Variants in RFX3 observed in about 807,000 individuals in gnomAD.
The protein encoded by RFX3 is regulatory factor X3, also known as transcription factor RFX3.
A neutral mutation model predicts 98.6 loss-of-function variants in RFX3; 14 were observed. The ratio of observed to expected loss-of-function variants is 0.14; its 90% CI spans 0.09 to 0.22. The LOEUF (loss-of-function observed/expected upper bound fraction) is 0.22. Among genes scored for constraint, RFX3 ranks in the 10% least tolerant of loss-of-function variants. RFX3 has a pLI of 1.00. For synonymous variants in RFX3, 383 were observed against 328.4 expected (o/e 1.17, Z -1.80); for missense variants, 639 against 926.9 (o/e 0.69, Z 4.03).
At chr9:3,340,700 T>C (rs533936343) in intron 3 of RFX3, among the ~76,000 whole-genome samples, 1 of 152,024 alleles carries the variant, frequency 6.6e-6, no homozygotes, top group Non-Finnish European at 1.5e-5. Flanking sequence ...AAAACCACAA[T>C]GAGATACCAT....
intron 3 of RFX3, among the ~76,000 whole-genome samples, chr9:3,334,847 C>A (rs1198169335): frequency 1.3e-5 from 2 of 152,086 alleles, no homozygotes; most frequent in African/African-American, 4.8e-5. Flanking sequence ...GGGCCAGGCG[C>A]GGTGGTTCAT....
At chr9:3,318,781 G>C (rs1830924126) in intron 4 of RFX3, among the ~76,000 whole-genome samples, 1 of 152,084 alleles carries the variant, frequency 6.6e-6, no homozygotes, top group Non-Finnish European at 1.5e-5. Context: ...GTAACCTGAA[G>C]TTATTCTTAA....
At position 3,301,608 on chromosome 9, in the gene RFX3, T is replaced by TC; in HGVS notation, c.486dup (p.Ile163AspfsTer2). The TC allele has an allele frequency of 6.2e-7, 1 of 1,601,362 alleles. No homozygotes were observed. On this transcript the variant is annotated frameshift_variant, in exon 5 of 17. Transcript: ENST00000617270. LOFTEE classifies it high-confidence loss of function. ...CCGTCAGACTTTTGCAGCGTCTCAA[T>TC]CGCCATTTCAATCTGATAATAGATG...
intron 1 of RFX3, chr9:3,488,813 G>C: frequency 1.0e-6 from 1 of 985,174 alleles, no homozygotes; most frequent in Non-Finnish European, 1.2e-6. Flanking sequence ...TACAGCTTCA[G>C]CTTATTTCTC....
chr9:3,376,066 G>T (rs538766563), intron 2 of RFX3, among the ~76,000 whole-genome samples: 2 of 152,150 alleles, frequency 1.3e-5, no homozygotes, highest in African/African-American at 4.8e-5. Context: ...ATATACAGTT[G>T]GTCAATAAGC....
intron 3 of RFX3, among the ~76,000 whole-genome samples, chr9:3,337,142 G>A (rs1833285175): frequency 1.3e-5 from 2 of 152,160 alleles, no homozygotes; most frequent in African/African-American, 4.8e-5. Flanking sequence ...CCTGAGGCCA[G>A]AGAGGTAAAA....
chr9:3,432,076 A>G (rs1187351687), intron 1 of RFX3, among the ~76,000 whole-genome samples: 1 of 152,178 alleles, frequency 6.6e-6, no homozygotes, highest in Non-Finnish European at 1.5e-5. Flanking sequence ...TTGGTTGTAC[A>G]ATGAGAAGCT....
chr9:3,363,740 G>A (rs1198047670), intron 2 of RFX3, among the ~76,000 whole-genome samples: 2 of 152,154 alleles, frequency 1.3e-5, no homozygotes, highest in Non-Finnish European at 2.9e-5. Flanking sequence ...GGTGTCAGCT[G>A]GCAGTGATTC....
At chr9:3,446,251 C>T (rs1846039665) in intron 1 of RFX3, among the ~76,000 whole-genome samples, 1 of 151,946 alleles carries the variant, frequency 6.6e-6, no homozygotes, top group Non-Finnish European at 1.5e-5. Context: ...ATACAAGTTG[C>T]CATAACTATA....
chr9:3,375,899 G>T (rs1310992459), intron 2 of RFX3, among the ~76,000 whole-genome samples: 2 of 152,092 alleles, frequency 1.3e-5, no homozygotes, highest in South Asian at 2.1e-4. Context: ...AGCAGAGGTT[G>T]CAGTGAGCTG....
At chr9:3,241,903 G>C (rs1478506106) in intron 15 of RFX3, among the ~76,000 whole-genome samples, 1 of 152,170 alleles carries the variant, frequency 6.6e-6, no homozygotes, top group African/African-American at 2.4e-5. Context: ...GAGGCATCCT[G>C]TAAGGCAGAG....
chr9:3,432,118 A>C (rs1381345355), intron 1 of RFX3, among the ~76,000 whole-genome samples: 2 of 152,170 alleles, frequency 1.3e-5, no homozygotes, highest in Non-Finnish European at 2.9e-5. Context: ...AGATGAGAAC[A>C]GCTTTCTGGA....
chr9:3,327,946 T>A (rs193151096), intron 4 of RFX3, among the ~76,000 whole-genome samples: 3 of 152,254 alleles, frequency 2.0e-5, no homozygotes, highest in Admixed American at 2.0e-4. Flanking sequence ...GCAACTGTAT[T>A]TACATGAGCT....
chr9:3,441,302 C>G (rs1052277012), intron 1 of RFX3, among the ~76,000 whole-genome samples: 1 of 151,712 alleles, frequency 6.6e-6, no homozygotes, highest in African/African-American at 2.4e-5. Context: ...TGGACAGCTA[C>G]AGAATTGAGA....
At chr9:3,429,619 C>G (rs1844464377) in intron 1 of RFX3, among the ~76,000 whole-genome samples, 1 of 152,036 alleles carries the variant, frequency 6.6e-6, no homozygotes, top group Non-Finnish European at 1.5e-5. Flanking sequence ...TAATCTCATC[C>G]TAACCCATTT....
intron 2 of RFX3, among the ~76,000 whole-genome samples, chr9:3,379,208 A>G (rs1038157332): frequency 5.9e-5 from 9 of 152,186 alleles, no homozygotes; most frequent in African/African-American, 1.7e-4. Context: ...ACCTGAATCA[A>G]TTAAGACCAT....
intron 4 of RFX3, among the ~76,000 whole-genome samples, chr9:3,315,734 A>G (rs1830507737): frequency 6.6e-6 from 1 of 152,224 alleles, no homozygotes; most frequent in Non-Finnish European, 1.5e-5. Context: ...CCATCAGAAA[A>G]TACTATAAAC....
At chr9:3,452,298 AAAC>A (rs1846715696) in intron 1 of RFX3, 1 of 217,112 alleles carries the variant, frequency 4.6e-6, no homozygotes, top group Admixed American at 5.0e-5. Context: ...TTTTTTAAAA[AAAC>A]AACTAATGGC....
intron 1 of RFX3, among the ~76,000 whole-genome samples, chr9:3,478,848 G>A (rs1849495932): frequency 6.6e-6 from 1 of 152,114 alleles, no homozygotes; most frequent in African/African-American, 2.4e-5. Context: ...ACAGCCTTAG[G>A]CAATTGACAT....
Sources: gnomAD v4.1 joint callset for allele counts (sites outside exome capture counted in the v4.1 genomes callset) on GRCh38, gnomAD v4.1.1 for gene constraint, MANE v1.5 for transcripts, NCBI Gene and HGNC (gene_info 2026-07-23, HGNC 2026-07-21) for gene names.